The following DPYSL3 variants were observed in gnomAD, a reference collection of about 807,000 sequenced individuals.
DPYSL3 encodes dihydropyrimidinase-related protein 3.
Under a neutral mutation model 66.1 loss-of-function variants are expected in DPYSL3, and 16 were observed. The observed-to-expected ratio is 0.24, with a 90% CI of 0.16 to 0.37. The LOEUF is 0.37. Among genes scored for constraint, DPYSL3 ranks in the 10% least tolerant of loss-of-function variants. The pLI is 1.00. For synonymous variants in DPYSL3, 338 were observed against 345.1 expected (o/e 0.98, Z 0.23); for missense variants, 738 against 916.2 (o/e 0.81, Z 2.51).
intron 1 of DPYSL3, among the ~76,000 whole-genome samples, chr5:147,496,378 CA>C (rs1753508219): frequency 6.6e-6 from 1 of 152,112 alleles, no homozygotes; most frequent in African/African-American, 2.4e-5. Context: ...GCAATGGCAA[CA>C]AAAGACAAAA....
At chr5:147,482,380 G>T (rs1235694693) in intron 1 of DPYSL3, among the ~76,000 whole-genome samples, 1 of 152,164 alleles carries the variant, frequency 6.6e-6, no homozygotes, top group South Asian at 2.1e-4. Flanking sequence ...TCAAAAATCA[G>T]AAATTATGAC....
At position 147,509,102 on chromosome 5, in the gene DPYSL3, G is replaced by C. The variant is rs1753720831; in HGVS notation, c.381+376C>G. On this transcript the variant is annotated intron_variant, in intron 1 of 13. Transcript: ENST00000343218. This position sits in a 1 kb window ranked among gnomAD's most constrained non-coding sequence, Gnocchi z 5.3. ...GGTTGAGATTTAATCTAGGGCCAGA[G>C]GGGGGCAAGACAATTGTGCTGTTGG... is the stretch of plus-strand genomic sequence containing the variant. Among the ~76,000 whole-genome samples, 1 of 152,164 alleles carries C rather than the reference G, an allele frequency of 6.6e-6. No individual in the cohort carries two copies. The highest frequency in any genetic ancestry group is 6.5e-5 in the Admixed American group (1 of 15,282).
At chr5:147,472,372 A>G (rs1429499623) in intron 1 of DPYSL3, among the ~76,000 whole-genome samples, 32 of 152,230 alleles carry the variant, frequency 2.1e-4, no homozygotes, top group Admixed American at 2.1e-3. Flanking sequence ...GAAGAAAAAG[A>G]AAAGTCAAGG....
At chr5:147,475,671 A>T (rs1753146094) in intron 1 of DPYSL3, among the ~76,000 whole-genome samples, 1 of 152,168 alleles carries the variant, frequency 6.6e-6, no homozygotes, top group Non-Finnish European at 1.5e-5. Flanking sequence ...ATTACAGAAT[A>T]AATAAAAGAT....
chr5:147,458,706 C>G (rs1485869459), intron 1 of DPYSL3, among the ~76,000 whole-genome samples: 1 of 152,114 alleles, frequency 6.6e-6, no homozygotes, highest in African/African-American at 2.4e-5. Context: ...GGATGTTCCT[C>G]CAGCCACTTA....
chr5:147,410,008 CAA>C (rs1027757007), intron 6 of DPYSL3, among the ~76,000 whole-genome samples: 2 of 152,122 alleles, frequency 1.3e-5, no homozygotes, highest in Non-Finnish European at 2.9e-5. Flanking sequence ...CTACAGAAAA[CAA>C]AGAAAGGTTA....
At chr5:147,488,886 G>T (rs951720515) in intron 1 of DPYSL3, among the ~76,000 whole-genome samples, 1 of 151,830 alleles carries the variant, frequency 6.6e-6, no homozygotes, top group African/African-American at 2.4e-5. Context: ...GTGGTGGTAG[G>T]CACCGATAAT....
intron 3 of DPYSL3, among the ~76,000 whole-genome samples, chr5:147,417,148 C>G (rs966623842): frequency 1.3e-5 from 2 of 152,154 alleles, no homozygotes; most frequent in African/African-American, 4.8e-5. Flanking sequence ...ACTCTCGTCA[C>G]GGGGAATCTG....
chr5:147,425,571 G>T (rs1035470828), intron 1 of DPYSL3, among the ~76,000 whole-genome samples: 1 of 152,158 alleles, frequency 6.6e-6, no homozygotes, highest in Non-Finnish European at 1.5e-5. Context: ...TTACAGTGGA[G>T]AAATTATGCA....
chr5:147,401,418 A>T, intron 9 of DPYSL3, 122 bp downstream of exon 9: 1 of 1,147,334 alleles, frequency 8.7e-7, no homozygotes, highest in Non-Finnish European at 1.2e-6. Context: ...AATTCCCAAT[A>T]CACTGTTCAC....
intron 1 of DPYSL3, among the ~76,000 whole-genome samples, chr5:147,428,595 T>C (rs1405587870): frequency 6.6e-6 from 1 of 152,072 alleles, no homozygotes; most frequent in African/African-American, 2.4e-5. Flanking sequence ...GCCTGATAGA[T>C]TAACACATGC....
At chr5:147,451,431 G>C (rs978476732) in intron 1 of DPYSL3, among the ~76,000 whole-genome samples, 1 of 152,230 alleles carries the variant, frequency 6.6e-6, no homozygotes, top group Non-Finnish European at 1.5e-5. Flanking sequence ...CATTCAACCA[G>C]AGACAAAAGG....
Position 147,498,252 on chromosome 5 carries a change from C to T in DPYSL3, c.381+11226G>A, listed in dbSNP as rs551066847. The stretch of plus-strand genomic sequence containing the variant: ...GGCCTCCAGCTCTACCCATATTTCT[C>T]CAAAGGACATGATCTCATTCTTTTT... On this transcript the variant is annotated intron_variant, in intron 1 of 13. Coordinates refer to ENST00000343218, the MANE Select transcript of DPYSL3 (RefSeq NM_001197294.2). Among the ~76,000 whole-genome samples, 3 of 150,868 alleles carry T rather than the reference C, an allele frequency of 2.0e-5. No individual in the cohort carries two copies. The Admixed American group carries it at 2.0e-4, about 10-fold the overall frequency.
In DPYSL3 at chr5:147,393,782, CCTGT is replaced by C. The variant is rs1685976817; in HGVS notation, c.*249_*252del. On this transcript the variant is annotated 3_prime_UTR_variant, in exon 14 of 14. Coordinates refer to ENST00000343218, the MANE Select transcript of DPYSL3 (RefSeq NM_001197294.2). ...AGAGCAGACTCTTTTACCTTAGTGG[CCTGT>C]CTGATTGCATGCATGTAAATGGGGG... is the stretch of plus-strand genomic sequence containing the variant. 2.0e-6 allele frequency: 1 copy of C among 502,920 alleles called. No individual in the cohort carries two copies. The highest frequency in any genetic ancestry group is 3.6e-6 in the Non-Finnish European group (1 of 277,444). The allele number at this position is 502,920 out of a possible 1,614,324, so 31.2% of individuals were successfully genotyped here. A position where few individuals can be genotyped will look rare whatever the true frequency, so the allele number is the denominator to read the frequency against.
At chr5:147,419,840 C>T (rs1329514105) in intron 2 of DPYSL3, among the ~76,000 whole-genome samples, 1 of 152,150 alleles carries the variant, frequency 6.6e-6, no homozygotes, top group Non-Finnish European at 1.5e-5. Flanking sequence ...TGGTAAAATG[C>T]AGCCTCTGAT....
At chr5:147,496,498 C>G (rs995954907) in intron 1 of DPYSL3, among the ~76,000 whole-genome samples, 32 of 151,824 alleles carry the variant, frequency 2.1e-4, no homozygotes, top group African/African-American at 7.5e-4. Context: ...GCAACCTACT[C>G]ATCTGACAAA....
intron 4 of DPYSL3, among the ~76,000 whole-genome samples, chr5:147,415,038 G>C (rs1044704221): frequency 1.3e-5 from 2 of 152,136 alleles, no homozygotes; most frequent in African/African-American, 4.8e-5. Flanking sequence ...GGGGGGAGGG[G>C]TTTGCAATAT....
chr5:147,412,018 T>C lies in DPYSL3; in HGVS notation c.963+590A>G, dbSNP rs1439185591. ...AAGACACATCTGTCCATCTATTCCA[T>C]TAAGCAGCCCAGGAGATGGAGAGAT... On this transcript the variant is annotated intron_variant, in intron 6 of 13. Transcript: ENST00000343218. 2.0e-5 allele frequency among the ~76,000 whole-genome samples: 3 copies of C among 152,176 alleles called. No homozygotes were observed. The South Asian group carries it at 6.2e-4, about 32-fold the overall frequency.
intron 1 of DPYSL3, among the ~76,000 whole-genome samples, chr5:147,444,641 T>C (rs115974149): frequency 5.3e-5 from 8 of 152,278 alleles, no homozygotes; most frequent in African/African-American, 1.4e-4. Flanking sequence ...CATAAACCTA[T>C]TGAAACCATA....
Sources: gnomAD v4.1 joint callset for allele counts (sites outside exome capture counted in the v4.1 genomes callset) on GRCh38, gnomAD v4.1.1 for gene constraint, Gnocchi (gnomAD v3.1) non-coding constraint, MANE v1.5 for transcripts, NCBI Gene and HGNC (gene_info 2026-07-23, HGNC 2026-07-21) for gene names.